Variants in HIRA observed in about 807,000 individuals in gnomAD.
HIRA encodes the protein protein HIRA.
A neutral mutation model predicts 126.6 loss-of-function variants in HIRA; 13 were observed. The observed-to-expected ratio is 0.10, with a 90% CI of 0.07 to 0.16. The LOEUF (loss-of-function observed/expected upper bound fraction) is 0.16, where lower values mean the gene tolerates loss of function less well. Ranked by LOEUF, HIRA falls within the 10% of genes least tolerant of loss-of-function variation. The pLI is 1.00. For synonymous variants in HIRA, 511 were observed against 520.0 expected, an observed-to-expected ratio of 0.98 and a Z score of 0.24; for missense variants, 834 against 1,314.4, an observed-to-expected ratio of 0.63 and a Z score of 5.65.
chr22:19,375,757 G>A lies in HIRA; in HGVS notation c.1649C>T (p.Pro550Leu). Residue 550 changes from proline to leucine, a missense_variant, in exon 15 of 25, where the codon CCT (proline) becomes CTT (leucine). By Grantham distance (98) the Pro-to-Leu change is moderately conservative. Transcript: ENST00000263208. ...CTTGGACGGGGTCGTTAACACAGAA[G>A]GTGACAATGCAGCAGGAGTAGAGGT... ...NATSTPAALS[P>L]SVLTTPSKIE... 1 of 1,614,130 alleles carries A rather than the reference G, an allele frequency of 6.2e-7. No individual in the cohort carries two copies. The highest frequency in any genetic ancestry group is 8.5e-7 in the Non-Finnish European group (1 of 1,180,030).
chr22:19,361,118 GA>G, intron 17 of HIRA, 118 bp downstream of exon 17: 1 of 772,682 alleles, frequency 1.3e-6, no homozygotes. Context: ...CCCAGAAGGT[GA>G]TGGAGAGCCA....
rs1327599705 is a variant in HIRA at position 19,396,957 on chromosome 22, A to G, written c.494-10T>C. 2 of 1,613,904 alleles carry G rather than the reference A, an allele frequency of 1.2e-6. No individual in the cohort carries two copies. Reference sequence around the variant, plus strand: ...AGAGTAGCTAGAATTTCTGTGAAGAAAAAAGGAATGTGGAGAGGTGTTGTC... The same window carrying G: ...AGAGTAGCTAGAATTTCTGTGAAGAGAAAAGGAATGTGGAGAGGTGTTGTC... On this transcript the variant is annotated splice_polypyrimidine_tract_variant and intron_variant, in intron 6 of 24. Transcript: ENST00000263208.
At chr22:19,342,266 C>T (rs564456707) in intron 24 of HIRA, among the ~76,000 whole-genome samples, 1 of 152,198 alleles carries the variant, frequency 6.6e-6, no homozygotes, top group South Asian at 2.1e-4. Context: ...CCACCTTACT[C>T]CTGCAAGAAT....
intron 1 of HIRA, among the ~76,000 whole-genome samples, chr22:19,414,103 A>G (rs892144325): frequency 2.6e-5 from 4 of 151,924 alleles, no homozygotes; most frequent in Non-Finnish European, 5.9e-5. Context: ...CACACCCTAG[A>G]CTCTAGAGAC....
intron 13 of HIRA, among the ~76,000 whole-genome samples, chr22:19,379,364 T>C (rs1398947062): frequency 1.3e-5 from 2 of 150,278 alleles, no homozygotes; most frequent in Middle Eastern, 3.5e-3. Context: ...CAGTGGCTCA[T>C]GCCTGTAATC....
chr22:19,408,451 C>T (rs748716031), intron 3 of HIRA, 32 bp downstream of exon 3: 16 of 1,410,360 alleles, frequency 1.1e-5, no homozygotes, highest in Middle Eastern at 3.5e-4. Context: ...TCTGCCAACA[C>T]GCAAAGCCTG....
chr22:19,335,446 C>T (rs1458693137), intron 24 of HIRA, among the ~76,000 whole-genome samples: 1 of 152,074 alleles, frequency 6.6e-6, no homozygotes, highest in South Asian at 2.1e-4. Context: ...GGTTTCGCCA[C>T]GTTGGCCAGG....
At chr22:19,408,267 G>C (rs1272202332) in intron 3 of HIRA, among the ~76,000 whole-genome samples, 1 of 152,178 alleles carries the variant, frequency 6.6e-6, no homozygotes, top group South Asian at 2.1e-4. Flanking sequence ...GAAATCACCA[G>C]AGGTACCTGC....
chr22:19,398,363 C>T (rs983705405), intron 5 of HIRA, among the ~76,000 whole-genome samples: 4 of 152,234 alleles, frequency 2.6e-5, no homozygotes, highest in African/African-American at 9.6e-5. Context: ...GAGCCTGCTA[C>T]TTCGTGGGTC....
At chr22:19,386,529 G>A (rs1389866083) in intron 11 of HIRA, among the ~76,000 whole-genome samples, 1 of 152,240 alleles carries the variant, frequency 6.6e-6, no homozygotes, top group Non-Finnish European at 1.5e-5. Flanking sequence ...TCCAAGAGAG[G>A]TGCCTTGGGA....
Position 19,399,179 on chromosome 22 carries a change from C to T in HIRA, c.398-1092G>A, listed in dbSNP as rs533846050. The T allele has an allele frequency of 4.0e-5, 39 of 984,926 alleles. No individual in the cohort carries two copies. The East Asian group carries it at 3.6e-3, about 92-fold the overall frequency. 61.0% of individuals were successfully genotyped at this position (984,926 alleles called of 1,614,324 possible). On this transcript the variant is annotated intron_variant, in intron 5 of 24. Transcript: ENST00000263208. ...GTCTTAGTTATTTCTCTAACCTCAGCGCCTGGTGCAGTGCTAGGTATACAG... is the reference window on the plus strand; with the variant it reads ...GTCTTAGTTATTTCTCTAACCTCAGTGCCTGGTGCAGTGCTAGGTATACAG...
In HIRA at chr22:19,342,449, C is replaced by T. The variant is rs1048943636; in HGVS notation, c.2937+8909G>A. Among the ~76,000 whole-genome samples, 14 of 152,106 alleles carry T rather than the reference C, an allele frequency of 9.2e-5. 1 individual carries two copies. Among genetic ancestry groups the T allele is most frequent in the East Asian group, 3.9e-4 (2 of 5,188 alleles). On this transcript the variant is annotated intron_variant, in intron 24 of 24. Transcript: ENST00000263208. ...TCACCCAGGCTGGAATGCAGTGGCACGATCTCGGCTCACTGGAACCTCTGC... is the reference window on the plus strand; with the variant it reads ...TCACCCAGGCTGGAATGCAGTGGCATGATCTCGGCTCACTGGAACCTCTGC...
At chr22:19,346,819 C>T (rs145881017) in intron 24 of HIRA, among the ~76,000 whole-genome samples, 6 of 152,206 alleles carry the variant, frequency 3.9e-5, no homozygotes, top group South Asian at 2.1e-4. Context: ...GGGTGGTAAG[C>T]GGGTGGTACA....
intron 21 of HIRA, among the ~76,000 whole-genome samples, chr22:19,354,669 G>T (rs998134358): frequency 3.7e-4 from 57 of 152,334 alleles, no homozygotes; most frequent in African/African-American, 1.3e-3. Context: ...TGCCTACAGA[G>T]AGTCAATATT....
intron 10 of HIRA, 83 bp from the exon 11 acceptor site, chr22:19,387,899 TG>T: frequency 1.4e-6 from 1 of 722,850 alleles, no homozygotes. Context: ...GTGAGGATGG[TG>T]GGCAGTGTTC....
At chr22:19,383,150 A>C (rs1441426027) in intron 13 of HIRA, among the ~76,000 whole-genome samples, 3 of 152,184 alleles carry the variant, frequency 2.0e-5, no homozygotes, top group Non-Finnish European at 4.4e-5. Context: ...CGAGTGGGGA[A>C]AAAAAAGACT....
chr22:19,413,025 G>A (rs1331391233), intron 1 of HIRA, among the ~76,000 whole-genome samples: 1 of 152,144 alleles, frequency 6.6e-6, no homozygotes, highest in Non-Finnish European at 1.5e-5. Flanking sequence ...CCAGAAGATC[G>A]GGTGAAGGAG....
intron 5 of HIRA, among the ~76,000 whole-genome samples, chr22:19,403,052 G>A (rs1487167917): frequency 1.4e-5 from 2 of 144,638 alleles, no homozygotes; most frequent in African/African-American, 5.3e-5. Flanking sequence ...GCAGTGAGCC[G>A]TAATTGCACC....
intron 24 of HIRA, among the ~76,000 whole-genome samples, chr22:19,336,673 T>C (rs2088570365): frequency 6.6e-6 from 1 of 152,230 alleles, no homozygotes; most frequent in Non-Finnish European, 1.5e-5. Flanking sequence ...CAGGTGCTGG[T>C]ATCCACAGCT....
Sources: allele counts gnomAD v4.1 joint callset (sites outside exome capture counted in the v4.1 genomes callset), GRCh38; gene constraint gnomAD v4.1.1; transcripts MANE v1.5; gene names NCBI Gene and HGNC (gene_info 2026-07-23, HGNC 2026-07-21).